Variants in PPP1R16B observed in about 807,000 individuals in gnomAD.
PPP1R16B encodes the protein protein phosphatase 1 regulatory subunit 16B, also known as protein phosphatase 1 regulatory inhibitor subunit 16B.
PPP1R16B carries 14 observed loss-of-function variants against 61.7 expected under a neutral mutation model. That is an observed-to-expected ratio of 0.23 (90% confidence interval 0.15 to 0.35). The LOEUF (loss-of-function observed/expected upper bound fraction) is 0.35, where lower values mean the gene tolerates loss of function less well. Among genes scored for constraint, PPP1R16B ranks in the 10% least tolerant of loss-of-function variants. PPP1R16B has a pLI of 1.00. For missense variants in PPP1R16B, 547 were observed against 752.5 expected (o/e 0.73, Z 3.19); for synonymous variants, 266 against 305.3 (o/e 0.87, Z 1.34).
At chr20:38,808,061 G>A (rs1485298063) in intron 1 of PPP1R16B, among the ~76,000 whole-genome samples, 4 of 152,334 alleles carry the variant, frequency 2.6e-5, no homozygotes, top group Middle Eastern at 3.4e-3. Context: ...GGATACTGAT[G>A]TAGGCAGGTG....
Position 38,918,741 on chromosome 20 carries a change from G to C in PPP1R16B, c.*75G>C, listed in dbSNP as rs1406567547. 2 of 1,436,144 alleles carry C rather than the reference G, an allele frequency of 1.4e-6. No homozygotes were observed. The highest frequency in any genetic ancestry group is 1.8e-6 in the Non-Finnish European group (2 of 1,090,974). The allele number at this position is 1,436,144 out of a possible 1,614,324, so 89.0% of individuals were successfully genotyped here. ...CAGGCCAGCCCAACAGCCCTGGCTG[G>C]GGAGGTGTCAGGGCAGCTGGGGAGA... is the stretch of plus-strand genomic sequence containing the variant. On this transcript the variant is annotated 3_prime_UTR_variant, in exon 11 of 11. Transcript: ENST00000299824. This position sits in a 1 kb window ranked among gnomAD's most constrained non-coding sequence, Gnocchi z 5.3.
intron 2 of PPP1R16B, among the ~76,000 whole-genome samples, chr20:38,850,994 G>C (rs1487322416): frequency 6.6e-6 from 1 of 150,626 alleles, no homozygotes; most frequent in Non-Finnish European, 1.5e-5. Context: ...TTGTTGAATA[G>C]GTCATGGGCA....
At chr20:38,904,595 C>G (rs2085424367) in intron 6 of PPP1R16B, among the ~76,000 whole-genome samples, 1 of 152,138 alleles carries the variant, frequency 6.6e-6, no homozygotes, top group African/African-American at 2.4e-5. Flanking sequence ...TGACAAGCAT[C>G]AGACATTTAT....
At chr20:38,894,749 G>A (rs1471373828) in intron 3 of PPP1R16B, among the ~76,000 whole-genome samples, 1 of 152,126 alleles carries the variant, frequency 6.6e-6, no homozygotes, top group Non-Finnish European at 1.5e-5. Flanking sequence ...TCCCATCCTG[G>A]TGCCTAGCTT....
In PPP1R16B at chr20:38,809,531, G is replaced by A. The variant is rs550720226; in HGVS notation, c.-102+3739G>A. On this transcript the variant is annotated intron_variant, in intron 1 of 10. Coordinates refer to ENST00000299824, the MANE Select transcript of PPP1R16B (RefSeq NM_015568.4). ...TGCAACAGCAAGAAGAGAGAGTGACGAGCAGATCCACATGGCTCAGGCTGA... is the reference window on the plus strand; with the variant it reads ...TGCAACAGCAAGAAGAGAGAGTGACAAGCAGATCCACATGGCTCAGGCTGA... Among the ~76,000 whole-genome samples the A allele has an allele frequency of 4.6e-5, 7 of 152,210 alleles. No individual in the cohort carries two copies. The South Asian group carries it at 8.3e-4, about 18-fold the overall frequency.
chr20:38,888,959 G>A (rs2085269753), intron 2 of PPP1R16B, among the ~76,000 whole-genome samples: 1 of 149,400 alleles, frequency 6.7e-6, no homozygotes, highest in Non-Finnish European at 1.5e-5. Flanking sequence ...ATTGGGGATG[G>A]TTAAAACCTC....
Position 38,919,135 on chromosome 20 carries a change from T to C in PPP1R16B, c.*469T>C, listed in dbSNP as rs1347839752. The C allele has an allele frequency of 6.5e-6, 1 of 153,700 alleles. No homozygotes were observed. Among genetic ancestry groups the C allele is most frequent in the African/African-American group, 2.4e-5 (1 of 41,450 alleles). The allele number at this position is 153,700 out of a possible 1,614,324, so 9.5% of individuals were successfully genotyped here. The stretch of plus-strand genomic sequence containing the variant: ...TTCCCAAAAGGATGGAAGTTAAGAC[T>C]CAGAGTCTCATTACCACTGCCAATG... On this transcript the variant is annotated 3_prime_UTR_variant, in exon 11 of 11. Coordinates refer to ENST00000299824, the MANE Select transcript of PPP1R16B (RefSeq NM_015568.4).
intron 2 of PPP1R16B, among the ~76,000 whole-genome samples, chr20:38,887,672 G>C (rs2085255960): frequency 6.6e-6 from 1 of 152,238 alleles, no homozygotes; most frequent in Non-Finnish European, 1.5e-5. Context: ...CGTTTAAGCA[G>C]CCGTAATAGC....
intron 2 of PPP1R16B, among the ~76,000 whole-genome samples, chr20:38,883,414 C>T (rs139353053): frequency 3.3e-5 from 5 of 152,380 alleles, no homozygotes; most frequent in Admixed American, 6.5e-5. Flanking sequence ...CGAGATGGGC[C>T]GGCTCAGCCT....
chr20:38,821,571 GCACTTGGAA>G (rs1207952059), intron 1 of PPP1R16B, among the ~76,000 whole-genome samples: 2 of 152,144 alleles, frequency 1.3e-5, no homozygotes, highest in Admixed American at 6.5e-5. Flanking sequence ...CTAGACCCTG[GCACTTGGAA>G]GGTGCTAAAA....
chr20:38,865,631 T>G (rs1272258581), intron 2 of PPP1R16B, among the ~76,000 whole-genome samples: 1 of 152,136 alleles, frequency 6.6e-6, no homozygotes, highest in Non-Finnish European at 1.5e-5. Flanking sequence ...CACCTTCCAC[T>G]CACGTCCTGC....
chr20:38,836,588 G>C (rs1004727638), intron 2 of PPP1R16B, among the ~76,000 whole-genome samples: 6 of 152,152 alleles, frequency 3.9e-5, no homozygotes, highest in Non-Finnish European at 8.8e-5. Context: ...GAATTCCTGA[G>C]CTCAAGTGAT....
intron 1 of PPP1R16B, among the ~76,000 whole-genome samples, chr20:38,814,006 A>G (rs1350521813): frequency 6.6e-6 from 1 of 152,062 alleles, no homozygotes; most frequent in Non-Finnish European, 1.5e-5. Flanking sequence ...CATGTTGGCC[A>G]GGCTGGTCTC....
At chr20:38,916,306 T>A (rs1350073605) in intron 10 of PPP1R16B, among the ~76,000 whole-genome samples, 1 of 147,946 alleles carries the variant, frequency 6.8e-6, no homozygotes. Flanking sequence ...ATATATATGT[T>A]ATATATGTTA....
chr20:38,867,680 T>C (rs1378056851), intron 2 of PPP1R16B, among the ~76,000 whole-genome samples: 1 of 152,006 alleles, frequency 6.6e-6, no homozygotes, highest in Non-Finnish European at 1.5e-5. Flanking sequence ...TTGATTCTTT[T>C]TTTTCCCCCC....
intron 5 of PPP1R16B, 104 bp downstream of exon 5, chr20:38,900,788 C>A (rs927153717): frequency 3.7e-6 from 3 of 802,660 alleles, no homozygotes; most frequent in Non-Finnish European, 5.6e-6. Context: ...CGGCCTGCCT[C>A]GTGCGCTGTG....
Position 38,920,561 on chromosome 20 carries a change from G to A in PPP1R16B, c.*1895G>A. 1 of 153,178 alleles carries A rather than the reference G, an allele frequency of 6.5e-6. No individual in the cohort carries two copies. The highest frequency in any genetic ancestry group is 1.5e-5 in the Non-Finnish European group (1 of 68,762). 9.5% of individuals were successfully genotyped at this position (153,178 alleles called of 1,614,324 possible). A position where few individuals can be genotyped will look rare whatever the true frequency, so the allele number is the denominator to read the frequency against. On this transcript the variant is annotated 3_prime_UTR_variant, in exon 11 of 11. Coordinates refer to ENST00000299824, the MANE Select transcript of PPP1R16B (RefSeq NM_015568.4). The stretch of plus-strand genomic sequence containing the variant: ...AGCCCCATAACCCAGAGAGGGAGCT[G>A]GACTTCAGGGAGCCTGAGTGATGCT...
rs946950382 is a variant in PPP1R16B, at chr20:38,921,523, C to T, written c.*2857C>T. ...CCTTTGCTTTTCGGCTCCTAGAATC[C>T]TTAGAGTCTGAATTCCTTTAGCTGG... On this transcript the variant is annotated 3_prime_UTR_variant, in exon 11 of 11. Transcript: ENST00000299824. 1 of 152,214 alleles carries T rather than the reference C, an allele frequency of 6.6e-6. No homozygotes were observed. The highest frequency in any genetic ancestry group is 1.5e-5 in the Non-Finnish European group (1 of 68,036). The allele number at this position is 152,214 out of a possible 1,614,324, so 9.4% of individuals were successfully genotyped here. A position where few individuals can be genotyped will look rare whatever the true frequency, so the allele number is the denominator to read the frequency against.
At chr20:38,846,502 T>C (rs1413543391) in intron 2 of PPP1R16B, among the ~76,000 whole-genome samples, 1 of 152,210 alleles carries the variant, frequency 6.6e-6, no homozygotes, top group Non-Finnish European at 1.5e-5. Flanking sequence ...AAGAAAGGAC[T>C]GTCAGCTCAG....
Sources: gnomAD v4.1 joint callset for allele counts (sites outside exome capture counted in the v4.1 genomes callset) on GRCh38, gnomAD v4.1.1 for gene constraint, Gnocchi (gnomAD v3.1) non-coding constraint, MANE v1.5 for transcripts, NCBI Gene and HGNC (gene_info 2026-07-23, HGNC 2026-07-21) for gene names.